Variants in HPS4 observed in about 807,000 individuals in gnomAD.
HPS4 encodes the protein HPS4 biogenesis of lysosomal organelles complex 3 subunit 2.
HPS4 carries 44 observed loss-of-function variants against 70.3 expected under a neutral mutation model. The ratio of observed to expected loss-of-function variants is 0.63; its 90% CI spans 0.49 to 0.80. The LOEUF (loss-of-function observed/expected upper bound fraction) is 0.80, where lower values mean the gene tolerates loss of function less well. Among genes scored for constraint, HPS4 ranks in the 30% least tolerant of loss-of-function variants. HPS4 has a pLI of 0.00. For synonymous variants in HPS4, 377 were observed against 355.9 expected (o/e 1.06, Z -0.67); for missense variants, 873 against 884.4 (o/e 0.99, Z 0.16).
chr22:26,478,218 A>T (rs745580317), intron 3 of HPS4, among the ~76,000 whole-genome samples: 1 of 152,114 alleles, frequency 6.6e-6, no homozygotes, highest in Non-Finnish European at 1.5e-5. Flanking sequence ...CGCAACATCT[A>T]GAATTTGCTC....
At chr22:26,460,344 G>A (rs559191530) in intron 11 of HPS4, among the ~76,000 whole-genome samples, 5 of 152,324 alleles carry the variant, frequency 3.3e-5, no homozygotes, top group African/African-American at 7.2e-5. Context: ...CCAACACTGC[G>A]TTTAACACTG....
At position 26,458,326 on chromosome 22, in the gene HPS4, C is replaced by A. The variant is rs548215677; in HGVS notation, c.1846+119G>T. The A allele has an allele frequency of 3.9e-6, 5 of 1,290,888 alleles. No homozygotes were observed. The Admixed American group carries it at 6.8e-5, about 18-fold the overall frequency. 80.0% of individuals were successfully genotyped at this position (1,290,888 alleles called of 1,614,324 possible). A position where few individuals can be genotyped will look rare whatever the true frequency, so the allele number is the denominator to read the frequency against. ...CTCCCGGTGAGAAGAGAGCCCTGAA[C>A]GCAGGTCAGACAACTCTGTGCACAG... On this transcript the variant is annotated intron_variant, in intron 12 of 13. Coordinates refer to ENST00000398145, the MANE Select transcript of HPS4 (RefSeq NM_022081.6).
At chr22:26,479,234 T>G in intron 3 of HPS4, 31 bp downstream of exon 3, 2 of 1,612,976 alleles carry the variant, frequency 1.2e-6, no homozygotes, top group Non-Finnish European at 1.7e-6. Flanking sequence ...ACTGGGATCC[T>G]CACTGAACAA....
At chr22:26,450,708 G>T (rs2146188740), downstream of HPS4, among the ~76,000 whole-genome samples, 1 of 152,320 alleles carries the variant, frequency 6.6e-6, no homozygotes, top group Middle Eastern at 3.4e-3. Flanking sequence ...TGCTGTTCTT[G>T]TGACAGTTCT....
chr22:26,452,683 G>A lies in HPS4; in HGVS notation c.*550C>T, dbSNP rs915693261. ...AACAGAATTCAACCAAGTGGTCTCC[G>A]TGTGCTGCCGCTTCCCTGCAGGAAC... is the stretch of plus-strand genomic sequence containing the variant. On this transcript the variant is annotated 3_prime_UTR_variant, in exon 14 of 14. Transcript: ENST00000398145. The A allele has an allele frequency of 4.1e-6, 1 of 244,822 alleles. No individual in the cohort carries two copies. Among genetic ancestry groups the A allele is most frequent in the Non-Finnish European group, 8.1e-6 (1 of 122,910 alleles). The allele number at this position is 244,822 out of a possible 1,614,324, so 15.2% of individuals were successfully genotyped here. A position where few individuals can be genotyped will look rare whatever the true frequency, so the allele number is the denominator to read the frequency against.
intron 13 of HPS4, among the ~76,000 whole-genome samples, chr22:26,457,646 G>A (rs1436070733): frequency 1.3e-5 from 2 of 152,344 alleles, no homozygotes; most frequent in Admixed American, 6.5e-5. Flanking sequence ...GACCCCAAGC[G>A]TCTAAAGTAG....
At chr22:26,449,897 C>G (rs1037353868), downstream of HPS4, among the ~76,000 whole-genome samples, 1 of 152,180 alleles carries the variant, frequency 6.6e-6, no homozygotes, top group South Asian at 2.1e-4. Flanking sequence ...TTCACGGGAC[C>G]GAATTCAGTA....
At chr22:26,458,092 C>T in intron 12 of HPS4, 125 bp from the exon 13 acceptor site, 1 of 864,756 alleles carries the variant, frequency 1.2e-6, no homozygotes, top group Non-Finnish European at 1.9e-6. Context: ...CTGCCCGGGG[C>T]AGAGACAAAG....
At chr22:26,453,971 G>A (rs2085643253) in intron 13 of HPS4, 1 of 163,436 alleles carries the variant, frequency 6.1e-6, no homozygotes, top group Non-Finnish European at 1.3e-5. Flanking sequence ...GTGACAGGAA[G>A]CCTGTGGACA....
downstream of HPS4, among the ~76,000 whole-genome samples, chr22:26,446,014 G>A (rs1568988585): frequency 2.0e-5 from 3 of 152,162 alleles, no homozygotes; most frequent in South Asian, 4.1e-4. Flanking sequence ...CACAACAAGC[G>A]GAAGGGAAGA....
rs373176483 is a variant in HPS4, at chr22:26,463,907, G to A, written c.1713+10C>T. On this transcript the variant is annotated intron_variant, in intron 11 of 13. Coordinates refer to ENST00000398145, the MANE Select transcript of HPS4 (RefSeq NM_022081.6). ...CGCAGAGGGGCAGGAGAAGGTCTGA[G>A]GACACTCACCACTTCCTCTATGGCT... The A allele has an allele frequency of 1.9e-6, 3 of 1,612,082 alleles. No homozygotes were observed. In the African/African-American group the frequency reaches 4.0e-5, roughly 22 times the overall value.
At chr22:26,472,721 C>T (rs2090003583) in intron 5 of HPS4, 111 bp downstream of exon 5, 4 of 899,516 alleles carry the variant, frequency 4.4e-6, no homozygotes, top group South Asian at 3.9e-5. Flanking sequence ...TGTCCCCAGA[C>T]ACAATGTGTT....
chr22:26,477,181 A>T, intron 3 of HPS4, 45 bp from the exon 4 acceptor site: 1 of 1,609,738 alleles, frequency 6.2e-7, no homozygotes, highest in East Asian at 2.2e-5. Flanking sequence ...GAAATTCTTG[A>T]ACTCTTAAGT....
chr22:26,451,980 C>T lies in HPS4; in HGVS notation c.*1253G>A, dbSNP rs534586940. 1.2e-3 allele frequency: 217 copies of T among 175,478 alleles called. No homozygotes were observed. Among genetic ancestry groups the T allele is most frequent in the Middle Eastern group, 5.2e-3 (2 of 388 alleles). 10.9% of individuals were successfully genotyped at this position (175,478 alleles called of 1,614,324 possible). ...CAGGGAAGGAAAAGAGGGATGCGCC[C>T]ACGTTACGCGCGCGCGCGCGCGCGC... On this transcript the variant is annotated 3_prime_UTR_variant, in exon 14 of 14. Transcript: ENST00000398145.
At chr22:26,463,493 CA>C (rs2087747464) in intron 11 of HPS4, among the ~76,000 whole-genome samples, 1 of 152,188 alleles carries the variant, frequency 6.6e-6, no homozygotes, top group East Asian at 1.9e-4. Context: ...TATCTCACTG[CA>C]TCTGGAACAG....
At chr22:26,477,179 T>TG in intron 3 of HPS4, 43 bp from the exon 4 acceptor site, 1 of 1,611,734 alleles carries the variant, frequency 6.2e-7, no homozygotes, top group Non-Finnish European at 8.5e-7. Context: ...CTGAAATTCT[T>TG]GAACTCTTAA....
At chr22:26,462,532 A>G (rs1163952267) in intron 11 of HPS4, among the ~76,000 whole-genome samples, 3 of 152,246 alleles carry the variant, frequency 2.0e-5, no homozygotes, top group Admixed American at 1.3e-4. Flanking sequence ...GGCTAAAACG[A>G]GAGATGCGAA....
At chr22:26,443,241 C>T (rs1568986255), downstream of HPS4, 5 of 1,575,414 alleles carry the variant, frequency 3.2e-6, no homozygotes, top group African/African-American at 1.3e-5. Flanking sequence ...CGAGAAGGGC[C>T]GAGGCGGGGC....
chr22:26,458,349 C>T (rs1392793279), intron 12 of HPS4, 96 bp downstream of exon 12: 4 of 1,483,048 alleles, frequency 2.7e-6, no homozygotes, highest in Middle Eastern at 1.9e-4. Context: ...ACTCTGTGCA[C>T]AGCCGTGTCA....
Sources: allele counts gnomAD v4.1 joint callset (sites outside exome capture counted in the v4.1 genomes callset), GRCh38; gene constraint gnomAD v4.1.1; transcripts MANE v1.5; gene names NCBI Gene and HGNC (gene_info 2026-07-23, HGNC 2026-07-21).